Variants in SIDT1 observed in about 807,000 individuals in gnomAD.
SIDT1 encodes the protein SID1 transmembrane family member 1, also known as SID1 transmembrane family, member 1.
SIDT1 carries 101 observed loss-of-function variants against 107.5 expected under a neutral mutation model. The observed-to-expected ratio is 0.94, with a 90% CI of 0.80 to 1.11. SIDT1 has a LOEUF of 1.11. Ranked by LOEUF, SIDT1 falls within the 50% of genes least tolerant of loss-of-function variation. The pLI is 0.00. For missense variants in SIDT1, 1,076 were observed against 1,058.2 expected, an observed-to-expected ratio of 1.02 and a Z score of -0.23; for synonymous variants, 395 against 398.2, an observed-to-expected ratio of 0.99 and a Z score of 0.10.
intron 3 of SIDT1, among the ~76,000 whole-genome samples, chr3:113,573,931 G>A (rs1007154371): frequency 3.3e-5 from 5 of 152,318 alleles, no homozygotes; most frequent in Non-Finnish European, 5.9e-5. Context: ...TTTCAAGGGC[G>A]TGGTGGAGAA....
intron 18 of SIDT1, among the ~76,000 whole-genome samples, chr3:113,611,424 C>G (rs1029372034): frequency 2.0e-5 from 3 of 152,154 alleles, no homozygotes; most frequent in Non-Finnish European, 4.4e-5. Flanking sequence ...CTCCACCTCC[C>G]GGGTTCAAGC....
chr3:113,612,228 G>T (rs201322242), intron 19 of SIDT1, 34 bp downstream of exon 19: 145 of 1,444,416 alleles, frequency 1.0e-4, no homozygotes, highest in Non-Finnish European at 1.3e-4. Context: ...CTAATCACAC[G>T]AATCAACTTT....
intron 1 of SIDT1, among the ~76,000 whole-genome samples, chr3:113,552,222 C>T (rs1219122193): frequency 5.9e-5 from 9 of 152,188 alleles, no homozygotes; most frequent in African/African-American, 2.2e-4. Flanking sequence ...CCCTTTCTCT[C>T]CATATCACCT....
intron 20 of SIDT1, among the ~76,000 whole-genome samples, chr3:113,616,527 A>G (rs1205420408): frequency 6.6e-6 from 1 of 152,122 alleles, no homozygotes; most frequent in Non-Finnish European, 1.5e-5. Context: ...AGGAGGGAGA[A>G]GATCAGGAAG....
chr3:113,568,484 C>T (rs917267527), intron 3 of SIDT1, among the ~76,000 whole-genome samples: 1 of 151,542 alleles, frequency 6.6e-6, no homozygotes, highest in African/African-American at 2.4e-5. Context: ...ATCCCAGCTA[C>T]TCGGGAGGCT....
chr3:113,616,293 G>A (rs1946099525), intron 20 of SIDT1, 117 bp downstream of exon 20: 2 of 781,520 alleles, frequency 2.6e-6, no homozygotes, highest in Non-Finnish European at 2.2e-6. Context: ...AGATGGCCCA[G>A]GGTGGCTAAA....
At chr3:113,545,744 CT>C (rs990259819) in intron 1 of SIDT1, among the ~76,000 whole-genome samples, 1 of 152,166 alleles carries the variant, frequency 6.6e-6, no homozygotes, top group African/African-American at 2.4e-5. Context: ...TACATAATTT[CT>C]TTTTCATGAG....
At chr3:113,570,102 A>G (rs1195031282) in intron 3 of SIDT1, among the ~76,000 whole-genome samples, 1 of 152,036 alleles carries the variant, frequency 6.6e-6, no homozygotes, top group African/African-American at 2.4e-5. Context: ...GACGGATTTG[A>G]CCATGTTGCC....
At chr3:113,605,278 A>G (rs1945249913) in intron 14 of SIDT1, among the ~76,000 whole-genome samples, 4 of 151,984 alleles carry the variant, frequency 2.6e-5, no homozygotes, top group African/African-American at 4.8e-5. Context: ...ATGTGCCACC[A>G]TGCCCAGCTA....
the SIDT1 span, among the ~76,000 whole-genome samples, chr3:113,634,813 A>G: frequency 6.6e-6 from 1 of 152,190 alleles, no homozygotes; most frequent in Non-Finnish European, 1.5e-5. Context: ...CGAAAAAAAT[A>G]CAAAAATTTA....
At chr3:113,605,122 CTCT>C in intron 14 of SIDT1, 146 bp downstream of exon 14, 1 of 306,996 alleles carries the variant, frequency 3.3e-6, no homozygotes, top group Non-Finnish European at 5.4e-6. Context: ...CTATTGCTTC[CTCT>C]TTTTTTTTTT....
chr3:113,573,745 C>T (rs1942670913), intron 3 of SIDT1, among the ~76,000 whole-genome samples: 2 of 152,124 alleles, frequency 1.3e-5, no homozygotes, highest in Admixed American at 1.3e-4. Context: ...TGAGAAGGCA[C>T]CATCTATGAG....
intron 1 of SIDT1, among the ~76,000 whole-genome samples, chr3:113,549,612 T>C (rs1362371172): frequency 1.3e-5 from 2 of 152,218 alleles, no homozygotes; most frequent in Admixed American, 6.5e-5. Context: ...TTCATTATTG[T>C]TGAGAAGAGT....
Position 113,623,505 on chromosome 3 carries a change from G to C in SIDT1, c.2169G>C (p.Leu723=). The C allele has an allele frequency of 6.2e-7, 1 of 1,613,980 alleles. No homozygotes were observed. Among genetic ancestry groups the C allele is most frequent in the South Asian group, 1.1e-5 (1 of 91,082 alleles). ...GCATCTTCATCTGTAACCTTTTGCT[G>C]TACCTGGCCTTTTACATCATCATGA... is the stretch of plus-strand genomic sequence containing the variant. ...MLGIFICNLL[L]YLAFYIIMKL... Residue 723 remains leucine, a synonymous_variant, in exon 22 of 25, where the codon CTG becomes CTC. Transcript: ENST00000264852.
At chr3:113,627,493 C>T (rs1490596183) in intron 24 of SIDT1, among the ~76,000 whole-genome samples, 153 bp from the exon 25 acceptor site, 2 of 152,088 alleles carry the variant, frequency 1.3e-5, no homozygotes, top group Admixed American at 6.5e-5. Context: ...TAATAAGTGC[C>T]TATTAAGAGC....
chr3:113,555,732 A>G (rs544840901), intron 1 of SIDT1, among the ~76,000 whole-genome samples: 6 of 152,302 alleles, frequency 3.9e-5, no homozygotes, highest in African/African-American at 1.4e-4. Flanking sequence ...TAAAGGGAAT[A>G]AACAGCTCCC....
chr3:113,592,601 C>CTTTT (rs376575022), intron 9 of SIDT1: 1 of 145,402 alleles, frequency 6.9e-6, no homozygotes. Context: ...TTTTCTTTTT[C>CTTTT]TTTTTTTTTT....
chr3:113,542,789 C>A (rs1348497296), intron 1 of SIDT1, among the ~76,000 whole-genome samples: 2 of 152,116 alleles, frequency 1.3e-5, no homozygotes, highest in African/African-American at 4.8e-5. Flanking sequence ...TGGAGATTTT[C>A]TCTTCCTTTT....
rs945919992 is a variant in SIDT1, at chr3:113,567,299, C to T, written c.345-241C>T. Among the ~76,000 whole-genome samples the T allele has an allele frequency of 3.3e-5, 5 of 152,094 alleles. No homozygotes were observed. The South Asian group carries it at 6.2e-4, about 19-fold the overall frequency. On this transcript the variant is annotated intron_variant, in intron 2 of 24. Transcript: ENST00000264852. ...GAATGGCTTAGCGTAATGTAGATAC[C>T]GCTTAAGTGAACTAGTCAGCACAGA...
Sources: allele counts gnomAD v4.1 joint callset (sites outside exome capture counted in the v4.1 genomes callset), GRCh38; gene constraint gnomAD v4.1.1; transcripts MANE v1.5; gene names NCBI Gene and HGNC (gene_info 2026-07-23, HGNC 2026-07-21).